Variants in HS3ST4 observed in about 807,000 individuals in gnomAD.
The protein encoded by HS3ST4 is heparan sulfate glucosamine 3-O-sulfotransferase 4.
A neutral mutation model predicts 29.2 loss-of-function variants in HS3ST4; 17 were observed. The observed-to-expected ratio is 0.58, with a 90% CI of 0.40 to 0.87. The LOEUF (loss-of-function observed/expected upper bound fraction) is 0.87. HS3ST4 is among the 40% of genes least tolerant of loss of function. The pLI is 0.00. For synonymous variants in HS3ST4, 314 were observed against 285.7 expected (o/e 1.10, Z -1.00); for missense variants, 627 against 634.5 (o/e 0.99, Z 0.13).
chr16:26,035,644 C>T (rs143851945), intron 1 of HS3ST4, among the ~76,000 whole-genome samples: 274 of 152,336 alleles, frequency 1.8e-3, no homozygotes, highest in African/African-American at 6.1e-3. Context: ...TCTCTTCTAT[C>T]TCCTGCCAAT....
chr16:25,716,509 C>T (rs528685516), intron 1 of HS3ST4, among the ~76,000 whole-genome samples: 24 of 152,242 alleles, frequency 1.6e-4, no homozygotes, highest in Admixed American at 3.9e-4. Flanking sequence ...TAGAGAAAGC[C>T]GCATCTTGAA....
intron 1 of HS3ST4, among the ~76,000 whole-genome samples, chr16:25,755,048 C>T (rs896219510): frequency 1.3e-5 from 2 of 152,020 alleles, no homozygotes; most frequent in Non-Finnish European, 2.9e-5. Flanking sequence ...ATCCACCCAC[C>T]TATCCATCCA....
At chr16:25,740,196 C>T (rs1371663223) in intron 1 of HS3ST4, among the ~76,000 whole-genome samples, 2 of 151,890 alleles carry the variant, frequency 1.3e-5, no homozygotes, top group Non-Finnish European at 2.9e-5. Flanking sequence ...GGACTACCGT[C>T]GTGGCAATGG....
At chr16:25,948,560 C>G (rs771367953) in intron 1 of HS3ST4, among the ~76,000 whole-genome samples, 78 of 152,268 alleles carry the variant, frequency 5.1e-4, no homozygotes, top group East Asian at 1.2e-3. Context: ...GAAATAATTT[C>G]TCCTGTTGCT....
At chr16:25,895,426 C>G (rs945890975) in intron 1 of HS3ST4, among the ~76,000 whole-genome samples, 8 of 151,988 alleles carry the variant, frequency 5.3e-5, no homozygotes, top group Admixed American at 6.6e-5. Flanking sequence ...AAAGATCACT[C>G]TGATAGATTT....
chr16:25,874,540 A>G (rs2141661300), intron 1 of HS3ST4, among the ~76,000 whole-genome samples: 1 of 152,156 alleles, frequency 6.6e-6, no homozygotes, highest in South Asian at 2.1e-4. Flanking sequence ...ACATATTTGA[A>G]TCCCACCCAT....
intron 1 of HS3ST4, among the ~76,000 whole-genome samples, chr16:26,075,182 A>G (rs1008912640): frequency 1.3e-5 from 2 of 151,854 alleles, no homozygotes; most frequent in Non-Finnish European, 2.9e-5. Flanking sequence ...ACAGAGTGAG[A>G]CTCTGTCTCA....
chr16:25,820,056 G>GAA (rs1278202133), intron 1 of HS3ST4, among the ~76,000 whole-genome samples: 1 of 80,006 alleles, frequency 1.2e-5, no homozygotes, highest in Non-Finnish European at 2.6e-5. Context: ...AAAAGAAAAA[G>GAA]AAAAAAAGAG....
intron 1 of HS3ST4, among the ~76,000 whole-genome samples, chr16:26,117,628 C>T (rs983084670): frequency 2.6e-5 from 4 of 152,192 alleles, no homozygotes; most frequent in Non-Finnish European, 4.4e-5. Context: ...AGGTCAGCCT[C>T]AGCCTTTACT....
chr16:25,901,706 T>C (rs1968121188), intron 1 of HS3ST4, among the ~76,000 whole-genome samples: 1 of 152,186 alleles, frequency 6.6e-6, no homozygotes, highest in South Asian at 2.1e-4. Context: ...ATCTTTCTTC[T>C]TCCTTTCTCT....
intron 1 of HS3ST4, among the ~76,000 whole-genome samples, chr16:25,714,012 A>G (rs927491375): frequency 2.0e-5 from 3 of 149,084 alleles, no homozygotes; most frequent in African/African-American, 7.5e-5. Context: ...TCCTGTTTCC[A>G]GTTAAGTTAC....
chr16:26,014,039 T>TAAATAAATAAATAAAA (rs1209893236), intron 1 of HS3ST4, among the ~76,000 whole-genome samples: 2 of 151,504 alleles, frequency 1.3e-5, no homozygotes, highest in African/African-American at 2.4e-5. Flanking sequence ...AATAAATAAA[T>TAAATAAATAAATAAAA]AAAACAAAAA....
intron 1 of HS3ST4, among the ~76,000 whole-genome samples, chr16:25,945,888 T>C (rs1968620506): frequency 1.3e-5 from 2 of 152,234 alleles, no homozygotes; most frequent in African/African-American, 4.8e-5. Flanking sequence ...ATTGAATTCA[T>C]TTATTCATTT....
chr16:26,116,862 G>A (rs1899208458), intron 1 of HS3ST4, among the ~76,000 whole-genome samples: 1 of 152,154 alleles, frequency 6.6e-6, no homozygotes, highest in African/African-American at 2.4e-5. Context: ...CAAAGGAAAT[G>A]CTCATTAAAA....
chr16:25,797,491 G>A lies in HS3ST4; in HGVS notation c.734+104340G>A, dbSNP rs77618006. Among the ~76,000 whole-genome samples, 78 of 152,286 alleles carry A rather than the reference G, an allele frequency of 5.1e-4. No individual in the cohort carries two copies. In the East Asian group the frequency reaches 0.014, roughly 27 times the overall value. ...GAATGGCAAATGAATTAATACATGC[G>A]AGGGGCTTAGGACACCAAAGACAGC... On this transcript the variant is annotated intron_variant, in intron 1 of 1. Coordinates refer to ENST00000331351, the MANE Select transcript of HS3ST4 (RefSeq NM_006040.3).
intron 1 of HS3ST4, among the ~76,000 whole-genome samples, chr16:25,987,839 C>T (rs148802968): frequency 2.6e-5 from 4 of 152,262 alleles, no homozygotes; most frequent in African/African-American, 4.8e-5. Context: ...GACACAATCC[C>T]GGCTCACTGC....
At chr16:25,715,951 C>G (rs1966451237) in intron 1 of HS3ST4, among the ~76,000 whole-genome samples, 1 of 152,188 alleles carries the variant, frequency 6.6e-6, no homozygotes, top group African/African-American at 2.4e-5. Flanking sequence ...CCAAGGACCT[C>G]TCAAAGCTCC....
At chr16:25,878,104 A>G (rs965550669) in intron 1 of HS3ST4, among the ~76,000 whole-genome samples, 5 of 152,166 alleles carry the variant, frequency 3.3e-5, no homozygotes, top group Non-Finnish European at 7.4e-5. Flanking sequence ...TCCACCATTC[A>G]CCACCTAAAT....
At chr16:25,717,882 C>T (rs558949388) in intron 1 of HS3ST4, among the ~76,000 whole-genome samples, 41 of 152,134 alleles carry the variant, frequency 2.7e-4, no homozygotes, top group African/African-American at 9.2e-4. Flanking sequence ...GGAAGTTCTT[C>T]CAGTAGTCCA....
Sources: gnomAD v4.1 joint callset for allele counts (sites outside exome capture counted in the v4.1 genomes callset) on GRCh38, gnomAD v4.1.1 for gene constraint, MANE v1.5 for transcripts, NCBI Gene and HGNC (gene_info 2026-07-23, HGNC 2026-07-21) for gene names.